The following CYB561 variants were observed in gnomAD, a reference collection of about 807,000 sequenced individuals.
CYB561 encodes cytochrome b561, also known as transmembrane ascorbate-dependent reductase CYB561.
CYB561 carries 11 observed loss-of-function variants against 25.3 expected under a neutral mutation model. The observed-to-expected ratio is 0.44, with a 90% CI of 0.27 to 0.72. The LOEUF (loss-of-function observed/expected upper bound fraction) is 0.72. Among genes scored for constraint, CYB561 ranks in the 30% least tolerant of loss-of-function variants. The pLI, the probability that CYB561 is intolerant of heterozygous loss-of-function variation, is 0.18. For synonymous variants in CYB561, 165 were observed against 158.8 expected, an observed-to-expected ratio of 1.04 and a Z score of -0.29; for missense variants, 295 against 334.9, an observed-to-expected ratio of 0.88 and a Z score of 0.93.
chr17:63,445,722 C>G (rs1026823598), intron 1 of CYB561, among the ~76,000 whole-genome samples: 4 of 152,208 alleles, frequency 2.6e-5, no homozygotes, highest in African/African-American at 4.8e-5. Context: ...GGGGCTTTCC[C>G]ACTCGGGAAA....
In CYB561 at chr17:63,434,004, G is replaced by A. The variant is rs569796687; in HGVS notation, c.*398C>T. Reference sequence around the variant, plus strand: ...TCCTTGTTTGAATTCAGCAGCCATCGTGGCCTTTCCAGGCCTGTCCCTGAG... The same window carrying A: ...TCCTTGTTTGAATTCAGCAGCCATCATGGCCTTTCCAGGCCTGTCCCTGAG... On this transcript the variant is annotated 3_prime_UTR_variant, in exon 6 of 6. Coordinates refer to ENST00000360793, the MANE Select transcript of CYB561 (RefSeq NM_001915.4). 13 of 215,492 alleles carry A rather than the reference G, an allele frequency of 6.0e-5. No homozygotes were observed. Among genetic ancestry groups the A allele is most frequent in the Non-Finnish European group, 1.0e-4 (11 of 110,016 alleles). The allele number at this position is 215,492 out of a possible 1,614,324, so 13.3% of individuals were successfully genotyped here.
rs1248355059 is a variant in CYB561 at position 63,444,071 on chromosome 17, C to G, written c.-14+2174G>C. On this transcript the variant is annotated intron_variant, in intron 1 of 5. Transcript: ENST00000360793. ...AGATCTCGGGTCACCGCAACCTCTG[C>G]CTTCCGGGTCCAAGCAATTCTCCTG... Among the ~76,000 whole-genome samples, 3 of 152,180 alleles carry G rather than the reference C, an allele frequency of 2.0e-5. No homozygotes were observed. The East Asian group carries it at 5.8e-4, about 29-fold the overall frequency.
At chr17:63,442,362 AC>A (rs2049383252) in intron 1 of CYB561, among the ~76,000 whole-genome samples, 1 of 152,178 alleles carries the variant, frequency 6.6e-6, no homozygotes, top group Admixed American at 6.5e-5. Flanking sequence ...AATCTGACCC[AC>A]CCACAAATGT....
rs1225328920 is a variant in CYB561, at chr17:63,435,685, C to T, written c.405+3G>A. The T allele has an allele frequency of 6.2e-7, 1 of 1,613,036 alleles. No homozygotes were observed. Among genetic ancestry groups the T allele is most frequent in the Non-Finnish European group, 8.5e-7 (1 of 1,179,054 alleles). On this transcript the variant is annotated splice_donor_region_variant and intron_variant, in intron 4 of 5. Transcript: ENST00000360793. ...CCAGGCCCGGGGTGTTGGAAGGACT[C>T]ACCTGCACAAAGTACAGGACAAAGA...
At chr17:63,438,015 T>TCTC in intron 1 of CYB561, 20 of 1,006,796 alleles carry the variant, frequency 2.0e-5, no homozygotes, top group Non-Finnish European at 2.5e-5. Flanking sequence ...CAGCGCTCGC[T>TCTC]CTCCTACCCG....
intron 1 of CYB561, among the ~76,000 whole-genome samples, chr17:63,443,881 C>T (rs2049399000): frequency 6.6e-6 from 1 of 152,214 alleles, no homozygotes; most frequent in African/African-American, 2.4e-5. Flanking sequence ...CTGCCCCAGC[C>T]TCCCAAAGCT....
intron 1 of CYB561, among the ~76,000 whole-genome samples, chr17:63,441,975 TC>T (rs1216445706): frequency 6.6e-6 from 1 of 152,190 alleles, no homozygotes; most frequent in Non-Finnish European, 1.5e-5. Context: ...AAGATGCATT[TC>T]CATTTGCTCC....
intron 3 of CYB561, 80 bp from the exon 4 acceptor site, chr17:63,435,871 G>A: frequency 6.3e-7 from 1 of 1,580,622 alleles, no homozygotes; most frequent in Admixed American, 1.7e-5. Flanking sequence ...GAACCAGCTA[G>A]CGGGACTTCT....
rs1476675602 is a variant in CYB561 at position 63,434,024 on chromosome 17, CCT to C, written c.*376_*377del. Reference sequence around the variant, plus strand: ...CCATCGTGGCCTTTCCAGGCCTGTCCCTGAGGCCCCCCCAGTTTCCCCTGGCC... The same window carrying C: ...CCATCGTGGCCTTTCCAGGCCTGTCCGAGGCCCCCCCAGTTTCCCCTGGCC... On this transcript the variant is annotated 3_prime_UTR_variant, in exon 6 of 6. Coordinates refer to ENST00000360793, the MANE Select transcript of CYB561 (RefSeq NM_001915.4). 1 of 241,356 alleles carries C rather than the reference CCT, an allele frequency of 4.1e-6. No homozygotes were observed. Among genetic ancestry groups the C allele is most frequent in the Non-Finnish European group, 8.0e-6 (1 of 125,724 alleles). The allele number at this position is 241,356 out of a possible 1,614,324, so 15.0% of individuals were successfully genotyped here.
At chr17:63,435,910 A>G (rs2049293521) in intron 3 of CYB561, 119 bp from the exon 4 acceptor site, 1 of 1,584,796 alleles carries the variant, frequency 6.3e-7, no homozygotes, top group Non-Finnish European at 8.6e-7. Context: ...GAGGGCTGCC[A>G]GCACCTAGTG....
intron 1 of CYB561, among the ~76,000 whole-genome samples, chr17:63,441,808 G>C (rs2049377768): frequency 6.6e-6 from 1 of 152,240 alleles, no homozygotes; most frequent in Non-Finnish European, 1.5e-5. Context: ...CTTTGACGCA[G>C]GGGAAGCTCC....
Position 63,434,389 on chromosome 17 carries a change from C to T in CYB561, c.*13G>A, listed in dbSNP as rs1458264866. The stretch of plus-strand genomic sequence containing the variant: ...GAAGACACCCCGCGAACCCCCAGGG[C>T]CGGCCGGGCGCATCACTGGGAGCCG... On this transcript the variant is annotated 3_prime_UTR_variant, in exon 6 of 6. Transcript: ENST00000360793. The T allele has an allele frequency of 6.5e-7, 1 of 1,539,404 alleles. No individual in the cohort carries two copies. The highest frequency in any genetic ancestry group is 2.0e-5 in the Admixed American group (1 of 51,178).
rs747539494 is a variant in CYB561 at position 63,435,149 on chromosome 17, A to G, written c.500T>C (p.Ile167Thr). ...RPQHIFFGAT[I>T]FLLSVGTALL... ...GGCGGTGCCCACGGAAAGGAGGAAG[A>G]TGGTAGCACCAAAGAAGATGTGCTG... is the stretch of plus-strand genomic sequence containing the variant. Residue 167 changes from isoleucine (I) to threonine (T), a missense_variant, in exon 5 of 6, where the codon ATC (isoleucine) becomes ACC (threonine). Ile to Thr is a moderately conservative substitution (Grantham distance 89). Coordinates refer to ENST00000360793, the MANE Select transcript of CYB561 (RefSeq NM_001915.4). The G allele has an allele frequency of 6.2e-7, 1 of 1,614,226 alleles. No homozygotes were observed. Among genetic ancestry groups the G allele is most frequent in the South Asian group, 1.1e-5 (1 of 91,088 alleles).
rs914987113 is a variant in CYB561, at chr17:63,433,440, G to C, written c.*962C>G. 2.5e-6 allele frequency: 1 copy of C among 398,802 alleles called. No individual in the cohort carries two copies. Among genetic ancestry groups the C allele is most frequent in the African/African-American group, 2.1e-5 (1 of 48,620 alleles). 24.7% of individuals were successfully genotyped at this position (398,802 alleles called of 1,614,324 possible). A position where few individuals can be genotyped will look rare whatever the true frequency, so the allele number is the denominator to read the frequency against. On this transcript the variant is annotated 3_prime_UTR_variant, in exon 6 of 6. Transcript: ENST00000360793. ...CCTGGAAAGATGGGCAGCAGATAAG[G>C]AGAAGGCTCGTCCTCCAGAACAGAG...
chr17:63,437,748 G>T, intron 1 of CYB561, 188 bp from the exon 2 acceptor site: 1 of 433,358 alleles, frequency 2.3e-6, no homozygotes, highest in Admixed American at 4.7e-5. Context: ...CCCCCGAAAT[G>T]CGCACAGCCG....
At position 63,432,377 on chromosome 17, in the gene CYB561, CAAAAT is replaced by C. The variant is rs965299053; in HGVS notation, c.*2020_*2024del. On this transcript the variant is annotated 3_prime_UTR_variant, in exon 6 of 6. Coordinates refer to ENST00000360793, the MANE Select transcript of CYB561 (RefSeq NM_001915.4). Reference sequence around the variant, plus strand: ...TATTTCACAGAAGATTGGCCACAGGCAAAATAAAATAACCCACCACAAATCCGCTT... The same window carrying C: ...TATTTCACAGAAGATTGGCCACAGGCAAAATAACCCACCACAAATCCGCTT... The C allele has an allele frequency of 1.3e-5, 2 of 152,280 alleles. No individual in the cohort carries two copies. Among genetic ancestry groups the C allele is most frequent in the Admixed American group, 1.3e-4 (2 of 15,298 alleles). The allele number at this position is 152,280 out of a possible 1,614,324, so 9.4% of individuals were successfully genotyped here. A position where few individuals can be genotyped will look rare whatever the true frequency, so the allele number is the denominator to read the frequency against.
Position 63,432,359 on chromosome 17 carries a change from CAGA to C in CYB561, c.*2040_*2042del, listed in dbSNP as rs1187515606. ...TGCACCAACAGCACATTGTATTTCA[CAGA>C]AGATTGGCCACAGGCAAAATAAAAT... On this transcript the variant is annotated 3_prime_UTR_variant, in exon 6 of 6. Coordinates refer to ENST00000360793, the MANE Select transcript of CYB561 (RefSeq NM_001915.4). 6.6e-6 allele frequency: 1 copy of C among 152,222 alleles called. No homozygotes were observed. Among genetic ancestry groups the C allele is most frequent in the African/African-American group, 2.4e-5 (1 of 41,450 alleles). The allele number at this position is 152,222 out of a possible 1,614,324, so 9.4% of individuals were successfully genotyped here.
At chr17:63,443,608 T>C (rs1352426813) in intron 1 of CYB561, among the ~76,000 whole-genome samples, 1 of 152,240 alleles carries the variant, frequency 6.6e-6, no homozygotes, top group African/African-American at 2.4e-5. Flanking sequence ...GTTGCAATTT[T>C]TTAAAACTTA....
intron 1 of CYB561, chr17:63,437,972 C>A: frequency 4.4e-6 from 2 of 454,266 alleles, no homozygotes; most frequent in Non-Finnish European, 7.6e-6. Context: ...CCACGGCGGC[C>A]CCGCCACCCT....
Sources: gnomAD v4.1 joint callset for allele counts (sites outside exome capture counted in the v4.1 genomes callset) on GRCh38, gnomAD v4.1.1 for gene constraint, MANE v1.5 for transcripts, NCBI Gene and HGNC (gene_info 2026-07-23, HGNC 2026-07-21) for gene names.